Variants in C1QTNF3 observed in about 807,000 individuals in gnomAD.
C1QTNF3 encodes C1q and TNF related 3, also known as complement C1q tumor necrosis factor-related protein 3.
Under a neutral mutation model 32.6 loss-of-function variants are expected in C1QTNF3, and 26 were observed. The observed-to-expected ratio is 0.80, with a 90% CI of 0.58 to 1.11. The LOEUF is 1.11. C1QTNF3 is among the 50% of genes least tolerant of loss of function. The pLI is 0.00. For missense variants in C1QTNF3, 362 were observed against 398.2 expected (o/e 0.91, Z 0.77); for synonymous variants, 155 against 146.0 (o/e 1.06, Z -0.44).
chr5:34,045,524 T>C (rs759863932), upstream of C1QTNF3, among the ~76,000 whole-genome samples: 1 of 152,234 alleles, frequency 6.6e-6, no homozygotes, highest in African/African-American at 2.4e-5. Context: ...GCTAGCCAAG[T>C]ACTACTTTGC....
At chr5:34,213,804 TATATA>T in the C1QTNF3 span, among the ~76,000 whole-genome samples, 236 of 3,530 alleles carry the variant, frequency 0.067, 8 homozygotes, top group East Asian at 0.32. Flanking sequence ...TATATATATA[TATATA>T]TTTTTTTTTT....
At chr5:34,045,760 G>T (rs1358331627), upstream of C1QTNF3, among the ~76,000 whole-genome samples, 4 of 151,734 alleles carry the variant, frequency 2.6e-5, no homozygotes, top group Non-Finnish European at 5.9e-5. Context: ...GCCCATTATT[G>T]ATCTCTCCCA....
the C1QTNF3 span, among the ~76,000 whole-genome samples, chr5:34,107,357 C>T: frequency 2.0e-5 from 3 of 148,836 alleles, no homozygotes; most frequent in Non-Finnish European, 3.0e-5. Context: ...TATGATATAG[C>T]ATGTTATACT....
At chr5:34,037,821 C>T (rs1188172841) in intron 1 of C1QTNF3, among the ~76,000 whole-genome samples, 4 of 152,212 alleles carry the variant, frequency 2.6e-5, no homozygotes, top group African/African-American at 4.8e-5. Flanking sequence ...CACCACGGCA[C>T]ACCCCACCTT....
chr5:34,237,560 C>T, the C1QTNF3 span, among the ~76,000 whole-genome samples: 7 of 152,202 alleles, frequency 4.6e-5, no homozygotes, highest in South Asian at 2.1e-4. Flanking sequence ...TTTCATTCTG[C>T]GACAATAGAT....
chr5:34,026,036 C>T (rs1052851196), intron 4 of C1QTNF3, among the ~76,000 whole-genome samples: 1 of 152,196 alleles, frequency 6.6e-6, no homozygotes, highest in African/African-American at 2.4e-5. Flanking sequence ...GACAGGGCCA[C>T]TGCCTCCATC....
the C1QTNF3 span, among the ~76,000 whole-genome samples, chr5:34,241,945 G>A: frequency 7.8e-5 from 8 of 102,184 alleles, no homozygotes; most frequent in Admixed American, 7.6e-4. Context: ...GGGAGGAAGG[G>A]AGGGAGGGAA....
In C1QTNF3 at chr5:34,018,014, T is replaced by G. The variant is rs1031837918; in HGVS notation, c.*2569A>C. On this transcript the variant is annotated 3_prime_UTR_variant, in exon 6 of 6. Coordinates refer to ENST00000382065, the MANE Select transcript of C1QTNF3 (RefSeq NM_181435.6). Reference sequence around the variant, plus strand: ...AATTGTCCTTAGTAGCATTTGAGAGTGTTCTTAATATGTTTAGTCCAACCC... The same window carrying G: ...AATTGTCCTTAGTAGCATTTGAGAGGGTTCTTAATATGTTTAGTCCAACCC... 2.0e-5 allele frequency among the ~76,000 whole-genome samples: 3 copies of G among 151,776 alleles called. No individual in the cohort carries two copies. Among genetic ancestry groups the G allele is most frequent in the Non-Finnish European group, 4.4e-5 (3 of 67,966 alleles).
the C1QTNF3 span, among the ~76,000 whole-genome samples, chr5:34,119,505 C>T: frequency 3.2e-4 from 48 of 152,118 alleles, 1 homozygote; most frequent in Admixed American, 2.0e-4. Context: ...TTTTCTATTG[C>T]AGCTATAAGC....
At chr5:34,090,071 C>T in the C1QTNF3 span, among the ~76,000 whole-genome samples, 3 of 152,140 alleles carry the variant, frequency 2.0e-5, no homozygotes, top group Admixed American at 6.6e-5. Flanking sequence ...CACTGAAAAT[C>T]GTTTCATGCT....
At chr5:34,225,749 T>C in the C1QTNF3 span, among the ~76,000 whole-genome samples, 1 of 151,902 alleles carries the variant, frequency 6.6e-6, no homozygotes, top group Admixed American at 6.6e-5. Flanking sequence ...CTGATCTTAA[T>C]TATTTACATC....
chr5:34,108,362 A>T, the C1QTNF3 span, among the ~76,000 whole-genome samples: 1 of 152,176 alleles, frequency 6.6e-6, no homozygotes, highest in African/African-American at 2.4e-5. Flanking sequence ...TCCAGTAAAA[A>T]GCAAGATTAA....
At chr5:34,024,720 T>C (rs1038085786) in intron 4 of C1QTNF3, among the ~76,000 whole-genome samples, 3 of 152,182 alleles carry the variant, frequency 2.0e-5, no homozygotes, top group African/African-American at 7.2e-5. Flanking sequence ...TTGAAAGCAA[T>C]ATAATATGAC....
chr5:34,116,052 C>CT, the C1QTNF3 span, among the ~76,000 whole-genome samples: 1 of 152,038 alleles, frequency 6.6e-6, no homozygotes, highest in African/African-American at 2.4e-5. Context: ...TTTTTGTATA[C>CT]TTTTTACCAT....
the C1QTNF3 span, among the ~76,000 whole-genome samples, chr5:34,144,084 C>G: frequency 4.0e-5 from 6 of 151,658 alleles, no homozygotes; most frequent in African/African-American, 1.5e-4. Context: ...AATGATCTAC[C>G]AAGCAAAAGG....
the C1QTNF3 span, among the ~76,000 whole-genome samples, chr5:34,054,441 G>C: frequency 6.6e-6 from 1 of 152,190 alleles, no homozygotes; most frequent in African/African-American, 2.4e-5. Flanking sequence ...ATGGACCATA[G>C]AATCTTTGTC....
chr5:34,154,802 G>T, the C1QTNF3 span, among the ~76,000 whole-genome samples: 2 of 152,038 alleles, frequency 1.3e-5, no homozygotes, highest in African/African-American at 2.4e-5. Flanking sequence ...ACAATCTCTG[G>T]GCATCAGGTA....
chr5:34,158,343 G>C, the C1QTNF3 span: 1 of 152,040 alleles, frequency 6.6e-6, no homozygotes, highest in African/African-American at 2.4e-5. Context: ...CTGACCTCAA[G>C]TGATCCACCC....
the C1QTNF3 span, among the ~76,000 whole-genome samples, chr5:34,178,333 G>T: frequency 1.3e-5 from 2 of 152,242 alleles, no homozygotes; most frequent in Admixed American, 6.5e-5. Flanking sequence ...GAACAAGGGT[G>T]CATATCCACA....
Sources: gnomAD v4.1 joint callset for allele counts (sites outside exome capture counted in the v4.1 genomes callset) on GRCh38, gnomAD v4.1.1 for gene constraint, MANE v1.5 for transcripts, NCBI Gene and HGNC (gene_info 2026-07-23, HGNC 2026-07-21) for gene names.